RAB3C: variants seen among roughly 807,000 people sequenced by gnomAD.
RAB3C encodes the protein ras-related protein Rab-3C.
Under a neutral mutation model 26.4 loss-of-function variants are expected in RAB3C, and 17 were observed. The ratio of observed to expected loss-of-function variants is 0.64; its 90% CI spans 0.44 to 0.97. RAB3C has a LOEUF of 0.97. RAB3C is among the 50% of genes least tolerant of loss of function. RAB3C has a pLI of 0.00. For synonymous variants in RAB3C, 91 were observed against 95.9 expected (o/e 0.95, Z 0.30); for missense variants, 242 against 281.9 (o/e 0.86, Z 1.01).
At chr5:58,731,127 G>A (rs972222891) in intron 3 of RAB3C, among the ~76,000 whole-genome samples, 3 of 152,128 alleles carry the variant, frequency 2.0e-5, no homozygotes, top group African/African-American at 7.2e-5. Flanking sequence ...TTCGGGTGGA[G>A]ACACAGCCAA....
At chr5:58,822,719 C>T (rs77636630) in intron 3 of RAB3C, 7,169 of 469,396 alleles carry the variant, frequency 0.015, 119 homozygotes, top group Non-Finnish European at 0.02. Flanking sequence ...GAAGGGGATA[C>T]GGTAGTCTGC....
intron 2 of RAB3C, among the ~76,000 whole-genome samples, chr5:58,671,262 G>A (rs1339486274): frequency 2.6e-5 from 4 of 152,030 alleles, no homozygotes; most frequent in African/African-American, 9.7e-5. Context: ...TTATGTCATA[G>A]GTGCTCTCAT....
intron 3 of RAB3C, among the ~76,000 whole-genome samples, chr5:58,798,201 C>T (rs894188020): frequency 1.3e-5 from 2 of 151,962 alleles, no homozygotes; most frequent in African/African-American, 4.8e-5. Flanking sequence ...AGGCAGAGGT[C>T]ATCAATGGAT....
chr5:58,774,064 G>A (rs1310157742), intron 3 of RAB3C, among the ~76,000 whole-genome samples: 1 of 152,010 alleles, frequency 6.6e-6, no homozygotes, highest in Non-Finnish European at 1.5e-5. Context: ...TCAGCTACTG[G>A]CCTTGCTCTG....
chr5:58,617,775 G>A lies in RAB3C; in HGVS notation c.157G>A (p.Asp53Asn). The change falls in exon 2 of 5, where the codon GAC (aspartate) becomes AAC (asparagine). Residue 53 changes from aspartate to asparagine, a missense_variant. Coordinates refer to ENST00000282878, the MANE Select transcript of RAB3C (RefSeq NM_138453.4). Reference protein sequence around the residue: ...KTSFLFRYADDSFTSAFVSTV... With the variant: ...KTSFLFRYADNSFTSAFVSTV... ...ATCTTTTCTATTCCGTTATGCAGAT[G>A]ACTCCTTTACATCTGCATTCGTCAG... 1 of 1,613,796 alleles carries A rather than the reference G, an allele frequency of 6.2e-7. No homozygotes were observed.
chr5:58,737,995 T>G (rs767735154), intron 3 of RAB3C, among the ~76,000 whole-genome samples: 2 of 152,238 alleles, frequency 1.3e-5, no homozygotes, highest in Admixed American at 6.5e-5. Context: ...AACAGCATTT[T>G]ATTTTTTGGA....
intron 2 of RAB3C, among the ~76,000 whole-genome samples, chr5:58,648,223 T>C (rs867652306): frequency 6.6e-6 from 1 of 152,278 alleles, no homozygotes; most frequent in South Asian, 2.1e-4. Context: ...GCCTCCCTAA[T>C]TGCGTTTTAA....
chr5:58,770,785 C>T (rs1273757439), intron 3 of RAB3C, among the ~76,000 whole-genome samples: 1 of 152,026 alleles, frequency 6.6e-6, no homozygotes, highest in African/African-American at 2.4e-5. Flanking sequence ...ATCTTTTTTA[C>T]TTTACATGTG....
intron 1 of RAB3C, among the ~76,000 whole-genome samples, chr5:58,598,481 A>G (rs1291867828): frequency 6.6e-6 from 1 of 152,066 alleles, no homozygotes; most frequent in Non-Finnish European, 1.5e-5. Context: ...TTATTAGTCT[A>G]GACATGAAAC....
At chr5:58,744,912 T>G (rs1741361514) in intron 3 of RAB3C, among the ~76,000 whole-genome samples, 1 of 152,158 alleles carries the variant, frequency 6.6e-6, no homozygotes, top group Non-Finnish European at 1.5e-5. Context: ...GATTTCAGTT[T>G]TTTTCAGGGG....
intron 3 of RAB3C, among the ~76,000 whole-genome samples, chr5:58,733,203 C>A (rs1429790343): frequency 6.6e-6 from 1 of 152,190 alleles, no homozygotes; most frequent in Non-Finnish European, 1.5e-5. Flanking sequence ...CACTTAATGG[C>A]TGCTCAATAT....
chr5:58,815,105 G>A (rs1377032937), intron 3 of RAB3C, among the ~76,000 whole-genome samples: 3 of 152,024 alleles, frequency 2.0e-5, no homozygotes, highest in Non-Finnish European at 4.4e-5. Flanking sequence ...AGCATTTTTG[G>A]TTTTTCCAGG....
At chr5:58,821,351 C>A (rs575764546) in intron 3 of RAB3C, among the ~76,000 whole-genome samples, 159 of 152,306 alleles carry the variant, frequency 1.0e-3, no homozygotes, top group African/African-American at 3.8e-3. Flanking sequence ...GAGATCATTT[C>A]TTTTAATTAC....
intron 4 of RAB3C, 26 bp downstream of exon 4, chr5:58,825,188 A>C (rs1399271893): frequency 6.2e-7 from 1 of 1,600,810 alleles, no homozygotes; most frequent in East Asian, 2.3e-5. Flanking sequence ...ATAAGTTAAA[A>C]AGAAAGATAA....
intron 1 of RAB3C, among the ~76,000 whole-genome samples, chr5:58,599,853 A>G (rs1037475201): frequency 1.3e-5 from 2 of 152,014 alleles, no homozygotes; most frequent in African/African-American, 4.8e-5. Context: ...CTTTAGTTTA[A>G]TTAGGTCCCA....
chr5:58,684,983 G>A (rs1190595490), intron 2 of RAB3C, among the ~76,000 whole-genome samples: 1 of 152,142 alleles, frequency 6.6e-6, no homozygotes, highest in African/African-American at 2.4e-5. Context: ...ATTGCAATAT[G>A]TTACTGATAA....
intron 3 of RAB3C, among the ~76,000 whole-genome samples, chr5:58,809,831 T>G (rs1743030175): frequency 6.6e-6 from 1 of 152,180 alleles, no homozygotes; most frequent in African/African-American, 2.4e-5. Flanking sequence ...CTGAGAGAAA[T>G]AAACGTCTGT....
At chr5:58,762,988 G>A (rs950069956) in intron 3 of RAB3C, among the ~76,000 whole-genome samples, 2 of 152,192 alleles carry the variant, frequency 1.3e-5, no homozygotes, top group Non-Finnish European at 1.5e-5. Flanking sequence ...AGTCAAAACA[G>A]TATAAATTTA....
At chr5:58,765,478 G>A (rs1342094151) in intron 3 of RAB3C, among the ~76,000 whole-genome samples, 1 of 152,174 alleles carries the variant, frequency 6.6e-6, no homozygotes, top group East Asian at 1.9e-4. Context: ...CATGTGTAAA[G>A]AGGAAAGTCC....
Sources: gnomAD v4.1 joint callset for allele counts (sites outside exome capture counted in the v4.1 genomes callset) on GRCh38, gnomAD v4.1.1 for gene constraint, MANE v1.5 for transcripts, NCBI Gene and HGNC (gene_info 2026-07-23, HGNC 2026-07-21) for gene names.